The following FBXO15 variants were observed in gnomAD, a reference collection of about 807,000 sequenced individuals.
FBXO15 encodes F-box only protein 15.
A neutral mutation model predicts 49.5 loss-of-function variants in FBXO15; 30 were observed. The observed-to-expected ratio is 0.61, with a 90% confidence interval of 0.45 to 0.82. FBXO15 has a LOEUF of 0.82. FBXO15 is among the 40% of genes least tolerant of loss of function. The pLI is 0.00. For synonymous variants in FBXO15, 250 were observed against 232.7 expected (o/e 1.07, Z -0.68); for missense variants, 591 against 631.5 (o/e 0.94, Z 0.69).
intron 8 of FBXO15, among the ~76,000 whole-genome samples, chr18:74,112,130 A>G (rs987255885): frequency 3.9e-5 from 6 of 152,216 alleles, no homozygotes; most frequent in African/African-American, 1.4e-4. Context: ...AATAATATCA[A>G]TTCTCTAAAA....
chr18:74,134,562 G>T (rs550535062), intron 3 of FBXO15, among the ~76,000 whole-genome samples: 3 of 151,852 alleles, frequency 2.0e-5, no homozygotes, highest in Non-Finnish European at 4.4e-5. Flanking sequence ...TAGAGACGGG[G>T]TTTCACCGTG....
In FBXO15 at chr18:74,129,598, A is replaced by T. The variant is rs1031715352; in HGVS notation, c.592T>A (p.Trp198Arg). 6.2e-7 allele frequency: 1 copy of T among 1,610,406 alleles called. No individual in the cohort carries two copies. The highest frequency in any genetic ancestry group is 8.5e-7 in the Non-Finnish European group (1 of 1,179,322). Reference sequence around the variant, plus strand: ...CCTTTTTCTTTCAGTATAATTGCCCAACCTAAACCAAATATTCTGGAGAAA... The same window carrying T: ...CCTTTTTCTTTCAGTATAATTGCCCTACCTAAACCAAATATTCTGGAGAAA... ...KEALRIFGLG[W>R]AIILKEKGGK... The change falls in exon 5 of 10, where the codon TGG becomes AGG. Residue 198 changes from tryptophan (W) to arginine (R), a missense_variant. Trp to Arg is a moderately radical substitution (Grantham distance 101). Transcript: ENST00000419743.
intron 1 of FBXO15, among the ~76,000 whole-genome samples, chr18:74,145,267 T>C (rs1979333653): frequency 6.6e-6 from 1 of 152,214 alleles, no homozygotes; most frequent in Admixed American, 6.5e-5. Context: ...TTTATTTAAT[T>C]GGAATATGAA....
intron 9 of FBXO15, among the ~76,000 whole-genome samples, chr18:74,078,336 C>A (rs554536808): frequency 1.3e-4 from 20 of 149,300 alleles, no homozygotes; most frequent in African/African-American, 2.2e-4. Flanking sequence ...AAGGCCCCCC[C>A]CCGACCTGCC....
intron 4 of FBXO15, 95 bp downstream of exon 4, chr18:74,130,321 A>G (rs1978324107): frequency 6.8e-7 from 1 of 1,477,866 alleles, no homozygotes; most frequent in South Asian, 1.4e-5. Flanking sequence ...CAAAAATACT[A>G]GAGACAGTCC....
chr18:74,092,020 T>C (rs895778450), intron 8 of FBXO15, among the ~76,000 whole-genome samples: 6 of 152,242 alleles, frequency 3.9e-5, no homozygotes, highest in Admixed American at 2.6e-4. Context: ...GGGAGGCCGA[T>C]GCATCGTAGA....
intron 2 of FBXO15, 141 bp downstream of exon 2, chr18:74,140,061 C>T: frequency 3.7e-6 from 2 of 537,116 alleles, no homozygotes; most frequent in Middle Eastern, 3.0e-4. Flanking sequence ...TCATCAAATG[C>T]TCCATGCTGT....
chr18:74,074,298 T>C lies in FBXO15; in HGVS notation c.1264-568A>G, dbSNP rs75221033. On this transcript the variant is annotated intron_variant, in intron 9 of 9. Transcript: ENST00000419743. The surrounding 1 kb of genome is among the most constrained non-coding windows in gnomAD (Gnocchi z 4.7). ...ATTTCCAGGACTCTGGCACCAGCCCTGCTGTCTGCCTCTCCCTCTCACTCT... is the reference window on the plus strand; with the variant it reads ...ATTTCCAGGACTCTGGCACCAGCCCCGCTGTCTGCCTCTCCCTCTCACTCT... Among the ~76,000 whole-genome samples, 425 of 152,284 alleles carry C rather than the reference T, an allele frequency of 2.8e-3. 2 individuals carry two copies. The highest frequency in any genetic ancestry group is 0.024 in the East Asian group (124 of 5,186).
At chr18:74,136,056 C>A (rs1297312107) in intron 2 of FBXO15, among the ~76,000 whole-genome samples, 190 bp from the exon 3 acceptor site, 1 of 152,184 alleles carries the variant, frequency 6.6e-6, no homozygotes, top group Non-Finnish European at 1.5e-5. Flanking sequence ...TATTCTAATT[C>A]TCATGACATA....
chr18:74,073,647 C>A lies in FBXO15; in HGVS notation c.1347G>T (p.Ser449=). 1 of 1,613,742 alleles carries A rather than the reference C, an allele frequency of 6.2e-7. No homozygotes were observed. The highest frequency in any genetic ancestry group is 8.5e-7 in the Non-Finnish European group (1 of 1,179,958). The change falls in exon 10 of 10, where the codon TCG becomes TCT. Residue 449 remains serine (S), a synonymous_variant. Transcript: ENST00000419743. The part of the protein sequence containing the change: ...WCFSSPVCLR[S]PATPSDSSSF... Reference sequence around the variant, plus strand: ...TAGAGCTGTCAGAGGGTGTGGCAGGCGATCTCAGGCACACCGGGGAACTGA... The same window carrying A: ...TAGAGCTGTCAGAGGGTGTGGCAGGAGATCTCAGGCACACCGGGGAACTGA...
At chr18:74,109,791 G>T (rs1913928004) in intron 8 of FBXO15, among the ~76,000 whole-genome samples, 2 of 151,544 alleles carry the variant, frequency 1.3e-5, no homozygotes, top group Admixed American at 1.3e-4. Flanking sequence ...AGAACACATG[G>T]ACACAGGGCA....
chr18:74,088,655 C>CT (rs1348318346), intron 8 of FBXO15, among the ~76,000 whole-genome samples: 1 of 152,118 alleles, frequency 6.6e-6, no homozygotes, highest in Non-Finnish European at 1.5e-5. Flanking sequence ...CAGCTTTGTT[C>CT]TTTTTGCTTA....
At chr18:74,130,278 A>C in intron 4 of FBXO15, 138 bp downstream of exon 4, 13 of 1,224,416 alleles carry the variant, frequency 1.1e-5, no homozygotes, top group Non-Finnish European at 1.5e-5. Flanking sequence ...GGAATAGGAA[A>C]ATGATACATA....
intron 8 of FBXO15, among the ~76,000 whole-genome samples, chr18:74,086,396 A>G (rs1019935512): frequency 6.6e-6 from 1 of 152,192 alleles, no homozygotes; most frequent in Non-Finnish European, 1.5e-5. Flanking sequence ...GACATTTTCT[A>G]TTGTGTCTTA....
At chr18:74,123,279 T>G (rs1054718862) in intron 8 of FBXO15, 89 bp downstream of exon 8, 1 of 1,400,190 alleles carries the variant, frequency 7.1e-7, no homozygotes, top group Non-Finnish European at 9.8e-7. Flanking sequence ...AAGTGACCAG[T>G]GAGGGCAATT....
intron 8 of FBXO15, among the ~76,000 whole-genome samples, chr18:74,110,910 G>A (rs1016361912): frequency 2.6e-5 from 4 of 151,972 alleles, no homozygotes; most frequent in Admixed American, 6.6e-5. Context: ...AAATATCTGC[G>A]GCAAAAACTA....
At chr18:74,122,136 C>G (rs7242252) in intron 8 of FBXO15, among the ~76,000 whole-genome samples, 9,148 of 152,182 alleles carry the variant, frequency 0.06, 928 homozygotes, top group African/African-American at 0.2. Context: ...TCCAGACCTC[C>G]CTTTCCTTCC....
rs79761346 is a variant in FBXO15 at position 74,080,710 on chromosome 18, A to G, written c.1263+1217T>C. Among the ~76,000 whole-genome samples, 1,345 of 152,344 alleles carry G rather than the reference A, an allele frequency of 8.8e-3. 11 individuals carry two copies. Among genetic ancestry groups the G allele is most frequent in the Middle Eastern group, 0.017 (5 of 294 alleles). ...TTATGTAGCTTAGTCTGCCCTACAT[A>G]AAGTCCCATTGGAAATTTTGTTTTT... On this transcript the variant is annotated intron_variant, in intron 9 of 9. Coordinates refer to ENST00000419743, the MANE Select transcript of FBXO15 (RefSeq NM_001142958.2).
At chr18:74,146,656 T>C (rs1979432345) in intron 1 of FBXO15, among the ~76,000 whole-genome samples, 1 of 152,148 alleles carries the variant, frequency 6.6e-6, no homozygotes, top group East Asian at 1.9e-4. Context: ...ATGTCTAGCA[T>C]TATAGGTATT....
Sources: allele counts gnomAD v4.1 joint callset (sites outside exome capture counted in the v4.1 genomes callset), GRCh38; gene constraint gnomAD v4.1.1; non-coding constraint Gnocchi (gnomAD v3.1); transcripts MANE v1.5; gene names NCBI Gene and HGNC (gene_info 2026-07-23, HGNC 2026-07-21).